MGAT4C: variants seen among roughly 807,000 people sequenced by gnomAD.
The protein encoded by MGAT4C is alpha-1,3-mannosyl-glycoprotein 4-beta-N-acetylglucosaminyltransferase C.
MGAT4C carries 19 observed loss-of-function variants against 40.1 expected under a neutral mutation model. The observed-to-expected ratio is 0.47, with a 90% CI of 0.33 to 0.70. MGAT4C has a LOEUF of 0.70. Ranked by LOEUF, MGAT4C falls within the 30% of genes least tolerant of loss-of-function variation. The probability of loss-of-function intolerance (pLI) is 0.02; values close to 1 mark genes in which losing one functional copy is unlikely to be tolerated. For synonymous variants in MGAT4C, 181 were observed against 187.1 expected, an observed-to-expected ratio of 0.97 and a Z score of 0.27; for missense variants, 491 against 563.2, an observed-to-expected ratio of 0.87 and a Z score of 1.30.
At chr12:86,222,537 C>G (rs1160920710) in intron 1 of MGAT4C, among the ~76,000 whole-genome samples, 6 of 152,028 alleles carry the variant, frequency 3.9e-5, no homozygotes. Flanking sequence ...GCAAGGAAGT[C>G]AAAGTTTGAA....
intron 2 of MGAT4C, among the ~76,000 whole-genome samples, chr12:86,593,998 G>A (rs976652519): frequency 3.3e-5 from 5 of 152,082 alleles, no homozygotes; most frequent in Admixed American, 2.0e-4. Flanking sequence ...AAGATTCCTC[G>A]GCTTGCTTCT....
intron 1 of MGAT4C, among the ~76,000 whole-genome samples, chr12:86,155,038 G>T (rs893404660): frequency 6.6e-6 from 1 of 151,948 alleles, no homozygotes; most frequent in African/African-American, 2.4e-5. Context: ...AGTGGTCAGG[G>T]ATGGCCTCTA....
intron 2 of MGAT4C, among the ~76,000 whole-genome samples, chr12:86,684,067 C>T (rs1950029115): frequency 6.6e-6 from 1 of 152,134 alleles, no homozygotes; most frequent in Admixed American, 6.6e-5. Context: ...TTACCCTTTT[C>T]AGGAAATTAC....
At chr12:85,986,455 C>G (rs934473564) in intron 3 of MGAT4C, among the ~76,000 whole-genome samples, 7 of 152,216 alleles carry the variant, frequency 4.6e-5, no homozygotes, top group Non-Finnish European at 8.8e-5. Flanking sequence ...GTCTCTTACA[C>G]TAAGTGCAGC....
At chr12:86,202,937 T>G (rs1228652665) in intron 1 of MGAT4C, among the ~76,000 whole-genome samples, 2 of 152,172 alleles carry the variant, frequency 1.3e-5, no homozygotes, top group Non-Finnish European at 2.9e-5. Flanking sequence ...AAATCCTTTT[T>G]GTTAACTCAA....
intron 1 of MGAT4C, among the ~76,000 whole-genome samples, chr12:86,753,663 C>A (rs1188898208): frequency 7.9e-5 from 12 of 151,842 alleles, no homozygotes. Flanking sequence ...AAAGGACTTT[C>A]AAACTTCAAT....
intron 1 of MGAT4C, among the ~76,000 whole-genome samples, chr12:86,832,112 C>G (rs1044294571): frequency 6.6e-6 from 1 of 151,708 alleles, no homozygotes; most frequent in Non-Finnish European, 1.5e-5. Context: ...TCAGATGCAT[C>G]ACTGAACTTA....
At chr12:85,999,957 C>T (rs1257702346) in intron 2 of MGAT4C, among the ~76,000 whole-genome samples, 3 of 152,026 alleles carry the variant, frequency 2.0e-5, no homozygotes, top group Non-Finnish European at 4.4e-5. Context: ...ATTAGGGTGA[C>T]TACAGCTAAT....
At chr12:86,207,867 A>G (rs1409547612) in intron 1 of MGAT4C, among the ~76,000 whole-genome samples, 2 of 152,252 alleles carry the variant, frequency 1.3e-5, no homozygotes, top group Non-Finnish European at 2.9e-5. Flanking sequence ...AATAATATCT[A>G]TATGGGATAT....
At chr12:86,255,244 C>T (rs1297875871) in intron 1 of MGAT4C, among the ~76,000 whole-genome samples, 4 of 152,168 alleles carry the variant, frequency 2.6e-5, no homozygotes, top group East Asian at 3.9e-4. Context: ...TAAATAACTG[C>T]ATCCAACTTT....
rs1482879998 is a variant in MGAT4C, at chr12:85,971,219, T to G, written c.*8070A>C. ...TTCTTCTTATAAAAGAAAATAATTT[T>G]TATGGTAACTAATTTTAGTAGTGCA... On this transcript the variant is annotated 3_prime_UTR_variant, in exon 5 of 5. Coordinates refer to ENST00000611864, the MANE Select transcript of MGAT4C (RefSeq NM_001351288.2). 2 of 151,374 alleles carry G rather than the reference T, an allele frequency of 1.3e-5. No homozygotes were observed. Among genetic ancestry groups the G allele is most frequent in the East Asian group, 1.9e-4 (1 of 5,174 alleles). 9.4% of individuals were successfully genotyped at this position (151,374 alleles called of 1,614,324 possible). A position where few individuals can be genotyped will look rare whatever the true frequency, so the allele number is the denominator to read the frequency against.
chr12:86,512,214 A>G lies in MGAT4C; in HGVS notation c.-228-76949T>C, dbSNP rs550380811. 5.9e-5 allele frequency among the ~76,000 whole-genome samples: 9 copies of G among 152,220 alleles called. No individual in the cohort carries two copies. The South Asian group carries it at 8.3e-4, about 14-fold the overall frequency. ...CAGGGAAATCCAAATCAAACTCACA[A>G]TGATATATCACCTTACACCTGTTAG... On this transcript the variant is annotated intron_variant, in intron 2 of 7. Coordinates refer to the MGAT4C transcript ENST00000548651.
Position 86,000,263 on chromosome 12 carries a change from A to G in MGAT4C, c.-6-10711T>C, listed in dbSNP as rs553775229. 5.9e-5 allele frequency among the ~76,000 whole-genome samples: 9 copies of G among 152,278 alleles called. No individual in the cohort carries two copies. The South Asian group carries it at 1.7e-3, about 28-fold the overall frequency. ...AAAAATGACAAAAGTAAAGGTAAAA[A>G]TCAATGAATAAGAAAAAATAGAAAC... On this transcript the variant is annotated intron_variant, in intron 2 of 4. Coordinates refer to ENST00000611864, the MANE Select transcript of MGAT4C (RefSeq NM_001351288.2).
At chr12:86,408,448 A>ACTCACT (rs1377202456) in intron 3 of MGAT4C, among the ~76,000 whole-genome samples, 7 of 29,356 alleles carry the variant, frequency 2.4e-4, no homozygotes, top group African/African-American at 9.8e-4. Context: ...TACATAGTAA[A>ACTCACT]CTCTCTCTCT....
At chr12:86,310,358 C>T (rs1033392287) in intron 4 of MGAT4C, among the ~76,000 whole-genome samples, 2 of 152,110 alleles carry the variant, frequency 1.3e-5, no homozygotes, top group Admixed American at 6.5e-5. Context: ...TGTTCTCAGT[C>T]TCTGGAAAAC....
chr12:86,351,782 C>T (rs1471683207), intron 3 of MGAT4C, among the ~76,000 whole-genome samples: 3 of 151,914 alleles, frequency 2.0e-5, no homozygotes, highest in African/African-American at 7.2e-5. Flanking sequence ...AAATTAAGAT[C>T]CTAACGACTA....
chr12:86,745,282 A>G (rs1951136301), intron 1 of MGAT4C: 1 of 151,638 alleles, frequency 6.6e-6, no homozygotes, highest in South Asian at 2.1e-4. Flanking sequence ...AGGCATATAT[A>G]TTTAGATTCA....
chr12:86,583,512 A>G (rs1293793271), intron 2 of MGAT4C, among the ~76,000 whole-genome samples: 2 of 151,332 alleles, frequency 1.3e-5, no homozygotes, highest in Non-Finnish European at 3.0e-5. Context: ...TCTATTTATC[A>G]GGGTCAACAC....
chr12:86,632,681 C>T (rs1472438551), intron 2 of MGAT4C, among the ~76,000 whole-genome samples: 1 of 150,998 alleles, frequency 6.6e-6, no homozygotes, highest in Non-Finnish European at 1.5e-5. Context: ...ACTGCAGTTT[C>T]TCGCTCATAG....
Sources: allele counts gnomAD v4.1 joint callset (sites outside exome capture counted in the v4.1 genomes callset), GRCh38; gene constraint gnomAD v4.1.1; transcripts MANE v1.5; gene names NCBI Gene and HGNC (gene_info 2026-07-23, HGNC 2026-07-21).